Variants in PACRG observed in about 807,000 individuals in gnomAD.
The protein encoded by PACRG is parkin coregulated.
A neutral mutation model predicts 29.7 loss-of-function variants in PACRG; 29 were observed. The ratio of observed to expected loss-of-function variants is 0.98; its 90% CI spans 0.73 to 1.33. The LOEUF is 1.33. Among genes scored for constraint, PACRG ranks in the 40% most tolerant of loss-of-function variants. The pLI, the probability that PACRG is intolerant of heterozygous loss-of-function variation, is 0.00. For missense variants in PACRG, 279 were observed against 316.2 expected (o/e 0.88, Z 0.89); for synonymous variants, 116 against 118.7 (o/e 0.98, Z 0.15).
chr6:162,743,623 AT>A (rs1379226204), intron 1 of PACRG, among the ~76,000 whole-genome samples: 1 of 151,488 alleles, frequency 6.6e-6, no homozygotes, highest in East Asian at 1.9e-4. Context: ...ACTCTCACAT[AT>A]TTTTTTCTTT....
chr6:163,252,152 G>A (rs193073764), intron 4 of PACRG, among the ~76,000 whole-genome samples: 8 of 152,314 alleles, frequency 5.3e-5, no homozygotes, highest in Admixed American at 4.6e-4. Context: ...CCCACAAGAC[G>A]GGTGCACTGC....
chr6:162,998,108 A>C (rs1562816903), intron 2 of PACRG, among the ~76,000 whole-genome samples: 1 of 152,068 alleles, frequency 6.6e-6, no homozygotes, highest in Non-Finnish European at 1.5e-5. Context: ...AGCACATGGA[A>C]CTCTGTTCCG....
chr6:162,776,120 C>T (rs890538641), intron 1 of PACRG, among the ~76,000 whole-genome samples: 3 of 152,210 alleles, frequency 2.0e-5, no homozygotes, highest in South Asian at 4.1e-4. Flanking sequence ...TTGTCCCCGA[C>T]ATCTTTGCAA....
chr6:163,123,343 C>T (rs890928642), intron 4 of PACRG, among the ~76,000 whole-genome samples: 1 of 152,232 alleles, frequency 6.6e-6, no homozygotes, highest in Admixed American at 6.5e-5. Flanking sequence ...ACCGCCATGT[C>T]GGGTGGACCT....
intron 4 of PACRG, among the ~76,000 whole-genome samples, chr6:163,252,539 C>G (rs1028693695): frequency 1.3e-5 from 2 of 152,196 alleles, no homozygotes; most frequent in African/African-American, 4.8e-5. Context: ...GCTGTGAAGG[C>G]CAGAGGGGCA....
intron 2 of PACRG, among the ~76,000 whole-genome samples, chr6:162,984,225 G>A (rs946888315): frequency 4.6e-5 from 7 of 151,892 alleles, no homozygotes; most frequent in Admixed American, 3.9e-4. Context: ...TTATGCCTTT[G>A]CATCCTCATA....
chr6:163,185,964 G>A (rs1466764915), intron 4 of PACRG, among the ~76,000 whole-genome samples: 1 of 152,110 alleles, frequency 6.6e-6, no homozygotes, highest in Non-Finnish European at 1.5e-5. Context: ...AGCACTCCCA[G>A]GCAGTGAGTG....
At position 163,269,851 on chromosome 6, in the gene PACRG, AAGAAAG is replaced by A. The variant is rs1389692894; in HGVS notation, c.614-44968_614-44963del. On this transcript the variant is annotated intron_variant, in intron 4 of 4. Coordinates refer to ENST00000366888, the MANE Select transcript of PACRG (RefSeq NM_001080379.2). ...AGAAAGAAAGAAAAAGAAAGAAAGA[AAGAAAG>A]AGAAAGAAAGAGAAAGAAAGAAAGA... 7.5e-3 allele frequency among the ~76,000 whole-genome samples: 489 copies of A among 65,556 alleles called. 70 individuals carry two copies. The highest frequency in any genetic ancestry group is 0.015 in the East Asian group (39 of 2,644). 43.0% of individuals were successfully genotyped at this position (65,556 alleles called of 152,430 possible).
intron 4 of PACRG, among the ~76,000 whole-genome samples, chr6:163,177,058 G>C (rs1435072232): frequency 6.6e-6 from 1 of 152,164 alleles, no homozygotes; most frequent in Non-Finnish European, 1.5e-5. Context: ...CTGTATCCGG[G>C]ACAAAGAGCA....
chr6:162,908,346 G>A (rs1013160538), intron 2 of PACRG, among the ~76,000 whole-genome samples: 4 of 152,192 alleles, frequency 2.6e-5, no homozygotes, highest in Admixed American at 1.3e-4. Flanking sequence ...TCGTGTTTAG[G>A]ACTCTTTAGG....
At chr6:162,741,716 C>T (rs1226539696) in intron 1 of PACRG, among the ~76,000 whole-genome samples, 1 of 152,178 alleles carries the variant, frequency 6.6e-6, no homozygotes, top group African/African-American at 2.4e-5. Context: ...GTGTTTGGCT[C>T]ATCTGTCAAG....
At chr6:163,124,063 G>A (rs1816416844) in intron 4 of PACRG, among the ~76,000 whole-genome samples, 1 of 152,208 alleles carries the variant, frequency 6.6e-6, no homozygotes, top group Non-Finnish European at 1.5e-5. Context: ...CCTCCATGCT[G>A]CTTTCCATAG....
intron 2 of PACRG, among the ~76,000 whole-genome samples, chr6:163,012,258 T>C (rs547284819): frequency 3.3e-5 from 5 of 152,194 alleles, no homozygotes; most frequent in Non-Finnish European, 7.4e-5. Flanking sequence ...GAAATATGAA[T>C]GCAATTGTTA....
At chr6:162,795,175 C>T (rs1181704071) in intron 1 of PACRG, among the ~76,000 whole-genome samples, 1 of 148,622 alleles carries the variant, frequency 6.7e-6, no homozygotes, top group Non-Finnish European at 1.5e-5. Flanking sequence ...CAAGGGAAGC[C>T]AGTGTGGTTA....
At chr6:163,219,701 C>A (rs1781500539) in intron 4 of PACRG, among the ~76,000 whole-genome samples, 1 of 146,752 alleles carries the variant, frequency 6.8e-6, no homozygotes, top group Admixed American at 6.7e-5. Context: ...TTCCCACCTG[C>A]CTCCTCCTAC....
At chr6:162,762,932 A>G (rs1048608249) in intron 1 of PACRG, among the ~76,000 whole-genome samples, 1 of 152,204 alleles carries the variant, frequency 6.6e-6, no homozygotes, top group Admixed American at 6.5e-5. Flanking sequence ...ATGACACTGA[A>G]TGGGCCAGGT....
At chr6:162,887,972 A>G (rs540803669) in intron 2 of PACRG, among the ~76,000 whole-genome samples, 5 of 152,280 alleles carry the variant, frequency 3.3e-5, no homozygotes, top group African/African-American at 9.6e-5. Flanking sequence ...TGGTAAGTCC[A>G]AGATCAAGTT....
intron 2 of PACRG, among the ~76,000 whole-genome samples, chr6:162,894,841 G>A (rs1346774706): frequency 6.6e-6 from 1 of 152,130 alleles, no homozygotes; most frequent in East Asian, 1.9e-4. Flanking sequence ...ATGTAACAAC[G>A]AGTTGGGTAG....
At chr6:162,964,594 A>C (rs1800880407) in intron 2 of PACRG, among the ~76,000 whole-genome samples, 2 of 152,206 alleles carry the variant, frequency 1.3e-5, no homozygotes, top group Admixed American at 1.3e-4. Context: ...AGACAAGTTA[A>C]CTGCACACAG....
Sources: allele counts gnomAD v4.1 joint callset (sites outside exome capture counted in the v4.1 genomes callset), GRCh38; gene constraint gnomAD v4.1.1; transcripts MANE v1.5; gene names NCBI Gene and HGNC (gene_info 2026-07-23, HGNC 2026-07-21).